Variants in RFTN1 observed in about 807,000 individuals in gnomAD.
RFTN1 encodes raftlin, lipid raft linker 1, also known as raftlin.
RFTN1 carries 26 observed loss-of-function variants against 46.5 expected under a neutral mutation model. That is an observed-to-expected ratio of 0.56 (90% CI 0.41 to 0.78). The LOEUF is 0.78. Among genes scored for constraint, RFTN1 ranks in the 30% least tolerant of loss-of-function variants. The pLI, the probability that RFTN1 is intolerant of heterozygous loss-of-function variation, is 0.00. For missense variants in RFTN1, 693 were observed against 718.7 expected (o/e 0.96, Z 0.41); for synonymous variants, 261 against 284.2 (o/e 0.92, Z 0.82).
At position 16,410,144 on chromosome 3, in the gene RFTN1, A is replaced by C. The variant is rs954025165; in HGVS notation, c.333-661T>G. 6.6e-6 allele frequency among the ~76,000 whole-genome samples: 1 copy of C among 151,834 alleles called. No individual in the cohort carries two copies. The highest frequency in any genetic ancestry group is 2.4e-5 in the African/African-American group (1 of 41,302). ...TATCCACATCATAGTAAGACCTCTA[A>C]GATGTAGCATCATGTAAAACACATC... On this transcript the variant is annotated intron_variant, in intron 3 of 9. Coordinates refer to ENST00000334133, the MANE Select transcript of RFTN1 (RefSeq NM_015150.2). This position sits in a 1 kb window ranked among gnomAD's most constrained non-coding sequence, Gnocchi z 4.6.
chr3:16,379,024 G>A (rs147308507), intron 4 of RFTN1, among the ~76,000 whole-genome samples: 3 of 152,302 alleles, frequency 2.0e-5, no homozygotes, highest in East Asian at 3.9e-4. Flanking sequence ...AGCCTTTAGG[G>A]GACTTTCCAG....
rs1240858583 is a variant in RFTN1, at chr3:16,452,698, C to T, written c.146-18661G>A. On this transcript the variant is annotated intron_variant, in intron 2 of 9. Coordinates refer to ENST00000334133, the MANE Select transcript of RFTN1 (RefSeq NM_015150.2). This position sits in a 1 kb window ranked among gnomAD's most constrained non-coding sequence, Gnocchi z 6.3. The stretch of plus-strand genomic sequence containing the variant: ...GACAGTGAAGGAGTGGTCAGTGTTG[C>T]CAGGCCCTTCAGTAAGATGAGGAAT... Among the ~76,000 whole-genome samples, 2 of 152,132 alleles carry T rather than the reference C, an allele frequency of 1.3e-5. No individual in the cohort carries two copies. The highest frequency in any genetic ancestry group is 2.9e-5 in the Non-Finnish European group (2 of 68,022).
rs1158257020 is a variant in RFTN1 at position 16,443,284 on chromosome 3, T to C, written c.146-9247A>G. ...AGCCATTCTAACAGGTGTGAGCTGA[T>C]ATCTCACTGTGGTTTTGATTTGCAT... On this transcript the variant is annotated intron_variant, in intron 2 of 9. Transcript: ENST00000334133. The surrounding 1 kb of genome is among the most constrained non-coding windows in gnomAD (Gnocchi z 5.5). Among the ~76,000 whole-genome samples the C allele has an allele frequency of 6.6e-6, 1 of 152,236 alleles. No homozygotes were observed. The highest frequency in any genetic ancestry group is 2.4e-5 in the African/African-American group (1 of 41,458).
rs1228658427 is a variant in RFTN1, at chr3:16,449,488, A to C, written c.146-15451T>G. ...CTATGAAGATTGAGATAATGCACAT[A>C]AAGTCCTAGAACTGCACCTGGAACT... On this transcript the variant is annotated intron_variant, in intron 2 of 9. Transcript: ENST00000334133. The surrounding 1 kb of genome is among the most constrained non-coding windows in gnomAD (Gnocchi z 5.1). 6.6e-6 allele frequency among the ~76,000 whole-genome samples: 1 copy of C among 152,342 alleles called. No homozygotes were observed. The highest frequency in any genetic ancestry group is 1.9e-4 in the East Asian group (1 of 5,190).
rs1007660378 is a variant in RFTN1 at position 16,429,193 on chromosome 3, T to C, written c.332+4658A>G. Among the ~76,000 whole-genome samples, 8 of 152,200 alleles carry C rather than the reference T, an allele frequency of 5.3e-5. No individual in the cohort carries two copies. The highest frequency in any genetic ancestry group is 5.2e-4 in the Admixed American group (8 of 15,280). On this transcript the variant is annotated intron_variant, in intron 3 of 9. Coordinates refer to ENST00000334133, the MANE Select transcript of RFTN1 (RefSeq NM_015150.2). The surrounding 1 kb of genome is among the most constrained non-coding windows in gnomAD (Gnocchi z 6.4). ...AAAATGAAATGGCAGTTATTAGAAT[T>C]TTCAGAAGAAAAGATCAGGTAATTT...
At chr3:16,493,474 C>T (rs1451252793) in intron 2 of RFTN1, among the ~76,000 whole-genome samples, 1 of 152,122 alleles carries the variant, frequency 6.6e-6, no homozygotes, top group Non-Finnish European at 1.5e-5. Context: ...CTCAGGTGAT[C>T]CACCCGCCTC....
In RFTN1 at chr3:16,446,737, A is replaced by T. The variant is rs2124894507; in HGVS notation, c.146-12700T>A. The stretch of plus-strand genomic sequence containing the variant: ...AACAGCAGAAAATGGAAAACAAGAG[A>T]TTTCCCAAAAAGTGCGGTACCCGAG... On this transcript the variant is annotated intron_variant, in intron 2 of 9. Coordinates refer to ENST00000334133, the MANE Select transcript of RFTN1 (RefSeq NM_015150.2). This position sits in a 1 kb window ranked among gnomAD's most constrained non-coding sequence, Gnocchi z 4.5. 1.3e-5 allele frequency among the ~76,000 whole-genome samples: 2 copies of T among 152,286 alleles called. No individual in the cohort carries two copies. Among genetic ancestry groups the T allele is most frequent in the Non-Finnish European group, 2.9e-5 (2 of 68,020 alleles).
At chr3:16,467,357 C>T (rs1351205092) in intron 2 of RFTN1, among the ~76,000 whole-genome samples, 2 of 152,222 alleles carry the variant, frequency 1.3e-5, no homozygotes, top group Non-Finnish European at 2.9e-5. Context: ...GGCTCACAAA[C>T]TCAGCCATCC....
intron 4 of RFTN1, among the ~76,000 whole-genome samples, chr3:16,386,118 T>C (rs2074163216): frequency 6.6e-6 from 1 of 152,256 alleles, no homozygotes; most frequent in Non-Finnish European, 1.5e-5. Context: ...CTGTTAGTTC[T>C]GTGGCTGTCA....
intron 2 of RFTN1, among the ~76,000 whole-genome samples, chr3:16,438,021 A>C (rs2125504491): frequency 6.6e-6 from 1 of 152,222 alleles, no homozygotes; most frequent in Non-Finnish European, 1.5e-5. Context: ...ATCAAACCTA[A>C]AAATACTATC....
chr3:16,484,848 T>G lies in RFTN1; in HGVS notation c.145+8877A>C, dbSNP rs907629846. 1.3e-5 allele frequency: 2 copies of G among 152,204 alleles called. No individual in the cohort carries two copies. The highest frequency in any genetic ancestry group is 4.8e-5 in the African/African-American group (2 of 41,446). 9.4% of individuals were successfully genotyped at this position (152,204 alleles called of 1,614,324 possible). A position where few individuals can be genotyped will look rare whatever the true frequency, so the allele number is the denominator to read the frequency against. On this transcript the variant is annotated intron_variant, in intron 2 of 9. Coordinates refer to ENST00000334133, the MANE Select transcript of RFTN1 (RefSeq NM_015150.2). The surrounding 1 kb of genome is among the most constrained non-coding windows in gnomAD (Gnocchi z 4.6). ...AGTTTCTTTTATAACTGCTCCAAAC[T>G]CAATATCTCAATTTATTCTTCTATA...
At chr3:16,482,953 C>CCCTTGATACTGCTGCAAG in intron 2 of RFTN1, 1 of 820,686 alleles carries the variant, frequency 1.2e-6, no homozygotes, top group African/African-American at 1.7e-5. Context: ...CCTCTTGCAG[C>CCCTTGATACTGCTGCAAG]AGTATCAAGG....
rs1481234340 is a variant in RFTN1, at chr3:16,410,157, T to A, written c.333-674A>T. On this transcript the variant is annotated intron_variant, in intron 3 of 9. Coordinates refer to ENST00000334133, the MANE Select transcript of RFTN1 (RefSeq NM_015150.2). This position sits in a 1 kb window ranked among gnomAD's most constrained non-coding sequence, Gnocchi z 4.6. Reference sequence around the variant, plus strand: ...GTAAGACCTCTAAGATGTAGCATCATGTAAAACACATCATTATAGAATGAT... The same window carrying A: ...GTAAGACCTCTAAGATGTAGCATCAAGTAAAACACATCATTATAGAATGAT... Among the ~76,000 whole-genome samples the A allele has an allele frequency of 1.3e-5, 2 of 151,854 alleles. No homozygotes were observed. Among genetic ancestry groups the A allele is most frequent in the Non-Finnish European group, 2.9e-5 (2 of 67,996 alleles).
Position 16,336,982 on chromosome 3 carries a change from C to T in RFTN1, c.1147-10106G>A, listed in dbSNP as rs1209953953. ...AGCTCCTCCCATAAGAGGGAGAGTC[C>T]CTCTGGTCACCCCTTGAATCTTGGC... On this transcript the variant is annotated intron_variant, in intron 7 of 9. Transcript: ENST00000334133. The surrounding 1 kb of genome is among the most constrained non-coding windows in gnomAD (Gnocchi z 6.0). The T allele has an allele frequency of 6.6e-6, 1 of 152,226 alleles. No homozygotes were observed. Among genetic ancestry groups the T allele is most frequent in the Non-Finnish European group, 1.5e-5 (1 of 68,078 alleles). The allele number at this position is 152,226 out of a possible 1,614,324, so 9.4% of individuals were successfully genotyped here.
At chr3:16,420,149 C>T (rs2075157629) in intron 3 of RFTN1, among the ~76,000 whole-genome samples, 1 of 152,148 alleles carries the variant, frequency 6.6e-6, no homozygotes, top group Admixed American at 6.6e-5. Flanking sequence ...AAGAGGAAAA[C>T]AGACAAACTT....
chr3:16,488,151 G>A (rs1391396013), intron 2 of RFTN1, among the ~76,000 whole-genome samples: 5 of 149,512 alleles, frequency 3.3e-5, no homozygotes, highest in African/African-American at 9.9e-5. Flanking sequence ...TGCCCAGGCT[G>A]GAGTGCAATG....
intron 4 of RFTN1, among the ~76,000 whole-genome samples, chr3:16,396,978 G>A (rs538172433): frequency 2.0e-5 from 3 of 151,154 alleles, no homozygotes; most frequent in African/African-American, 4.9e-5. Flanking sequence ...CAGGAGAATC[G>A]CTTGAACCTG....
At chr3:16,487,817 G>C (rs1030577426) in intron 2 of RFTN1, among the ~76,000 whole-genome samples, 1 of 152,176 alleles carries the variant, frequency 6.6e-6, no homozygotes, top group Non-Finnish European at 1.5e-5. Flanking sequence ...GGCATAACGG[G>C]GTACCGTTTT....
At chr3:16,396,141 TAAAA>T (rs1249618096) in intron 4 of RFTN1, among the ~76,000 whole-genome samples, 8 of 151,714 alleles carry the variant, frequency 5.3e-5, no homozygotes, top group Non-Finnish European at 7.4e-5. Flanking sequence ...AGGGGAGAGA[TAAAA>T]GAAAGAAAAA....
Sources: gnomAD v4.1 joint callset for allele counts (sites outside exome capture counted in the v4.1 genomes callset) on GRCh38, gnomAD v4.1.1 for gene constraint, Gnocchi (gnomAD v3.1) non-coding constraint, MANE v1.5 for transcripts, NCBI Gene and HGNC (gene_info 2026-07-23, HGNC 2026-07-21) for gene names.